CDAN1: variants seen among roughly 807,000 people sequenced by gnomAD.
CDAN1 encodes codanin 1.
Under a neutral mutation model 139.8 loss-of-function variants are expected in CDAN1, and 107 were observed. That is an observed-to-expected ratio of 0.77 (90% CI 0.65 to 0.90). CDAN1 has a LOEUF of 0.90. CDAN1 is among the 40% of genes least tolerant of loss of function. The pLI, the probability that CDAN1 is intolerant of heterozygous loss-of-function variation, is 0.00. For missense variants in CDAN1, 1,667 were observed against 1,575.7 expected (o/e 1.06, Z -0.98); for synonymous variants, 776 against 660.6 (o/e 1.17, Z -2.68).
chr15:42,729,876 CTG>C lies in CDAN1; in HGVS notation c.2270_2271del (p.Thr757SerfsTer3). The C allele has an allele frequency of 6.2e-7, 1 of 1,612,962 alleles. No individual in the cohort carries two copies. Among genetic ancestry groups the C allele is most frequent in the Non-Finnish European group, 8.5e-7 (1 of 1,179,610 alleles). On this transcript the variant is annotated frameshift_variant, in exon 16 of 28. Coordinates refer to ENST00000356231, the MANE Select transcript of CDAN1 (RefSeq NM_138477.4). LOFTEE classifies it high-confidence loss of function. Reference sequence around the variant, plus strand: ...TCCAGAAAGAACAAGTCCTCAGGGACTGTGGGAATCTGGCAAGACAGTCACAA... The same window carrying C: ...TCCAGAAAGAACAAGTCCTCAGGGACTGGGAATCTGGCAAGACAGTCACAA... ...AVLGWLFQIP[T>X]VPEDLFFLEE...
At chr15:42,728,971 AAG>A (rs758571284) in intron 19 of CDAN1, 50 bp downstream of exon 19, 104 of 1,597,662 alleles carry the variant, frequency 6.5e-5, no homozygotes, top group Middle Eastern at 1.7e-4. Flanking sequence ...ACTGAGGAAA[AAG>A]GGGAAAAAAT....
In CDAN1 at chr15:42,736,140, C is replaced by A. The variant is rs560630349; in HGVS notation, c.570-62G>T. On this transcript the variant is annotated intron_variant, in intron 2 of 27. Transcript: ENST00000356231. ...ATCTTCAAACATCTCCCCTCCACCA[C>A]CGCAACAGCTAGACCTCTTGCCAAA... is the stretch of plus-strand genomic sequence containing the variant. 1.3e-3 allele frequency: 2,025 copies of A among 1,585,002 alleles called. 3 individuals are homozygous for A. The highest frequency in any genetic ancestry group is 1.4e-3 in the Non-Finnish European group (1,581 of 1,160,366).
rs1400975315 is a variant in CDAN1 at position 42,736,643 on chromosome 15, C to T, written c.228G>A (p.Pro76=). Residue 76 remains proline, a synonymous_variant, in exon 2 of 28, where the codon CCG becomes CCA. Transcript: ENST00000356231. ...PQGPPTPAKT[P]GASAALPGRP... The stretch of plus-strand genomic sequence containing the variant: ...TCCCTGGCAAGGCTGCCGAGGCGCC[C>T]GGGGTCTTGGCGGGGGTCGGGGGCC... 6.6e-7 allele frequency: 1 copy of T among 1,524,262 alleles called. No homozygotes were observed. Among genetic ancestry groups the T allele is most frequent in the Non-Finnish European group, 8.8e-7 (1 of 1,136,392 alleles). The allele number at this position is 1,524,262 out of a possible 1,614,324, so 94.4% of individuals were successfully genotyped here.
At chr15:42,735,228 C>G (rs896884638) in intron 5 of CDAN1, 33 bp downstream of exon 5, 1 of 1,600,234 alleles carries the variant, frequency 6.2e-7, no homozygotes, top group Non-Finnish European at 8.6e-7. Context: ...CGTTTCTAGA[C>G]CCCATGTCTC....
At chr15:42,726,913 C>T (rs890642062) in intron 23 of CDAN1, 13 of 178,942 alleles carry the variant, frequency 7.3e-5, no homozygotes, top group African/African-American at 2.9e-4. Flanking sequence ...ATTTTTTAGT[C>T]ATTGTACCTT....
chr15:42,735,318 C>T lies in CDAN1; in HGVS notation c.1000G>A (p.Ala334Thr). 1 of 1,610,412 alleles carries T rather than the reference C, an allele frequency of 6.2e-7. No homozygotes were observed. Among genetic ancestry groups the T allele is most frequent in the Non-Finnish European group, 8.5e-7 (1 of 1,178,236 alleles). ...ELFFVFQLLTARRMVTAKDSD... is the reference protein window; with the variant it reads ...ELFFVFQLLTTRRMVTAKDSD... ...TCCTTGGCAGTCACCATCCTCCGGG[C>T]AGTGAGGAGCTGAAAGACGAAGAAA... Residue 334 changes from alanine to threonine, a missense_variant, in exon 5 of 28, where the codon GCC (alanine) becomes ACC (threonine). Physicochemically the swap from Ala to Thr is moderately conservative, Grantham distance 58. Around this residue, in one of 3 missense-constraint regions of CDAN1, gnomAD observed 244 missense variants for 309.4 expected, o/e 0.79. Coordinates refer to ENST00000356231, the MANE Select transcript of CDAN1 (RefSeq NM_138477.4).
chr15:42,730,828 C>A, intron 13 of CDAN1, 64 bp from the exon 14 acceptor site: 1 of 1,613,150 alleles, frequency 6.2e-7, no homozygotes, highest in East Asian at 2.2e-5. Flanking sequence ...TGCCCTTTAA[C>A]CTGCCTGGTT....
chr15:42,732,950 ATAAC>A (rs1595860161), intron 9 of CDAN1, 143 bp downstream of exon 9: 2 of 723,084 alleles, frequency 2.8e-6, no homozygotes, highest in Non-Finnish European at 5.0e-6. Context: ...AGAGTTATCA[ATAAC>A]TAAAGAGATT....
At chr15:42,736,813 G>A (rs1291476129) in intron 1 of CDAN1, 33 bp from the exon 2 acceptor site, 2 of 1,492,634 alleles carry the variant, frequency 1.3e-6, no homozygotes, top group East Asian at 2.8e-5. Context: ...GGGGCGAGAG[G>A]GTCAGCCGCC....
At chr15:42,731,593 T>A in intron 11 of CDAN1, 27 bp downstream of exon 11, 3 of 1,610,942 alleles carry the variant, frequency 1.9e-6, no homozygotes, top group Non-Finnish European at 2.5e-6. Flanking sequence ...CTCTGCCCCA[T>A]TCCTTGCAAG....
Position 42,735,563 on chromosome 15 carries a change from GAC to G in CDAN1, c.888_889del (p.Ser297PhefsTer18). On this transcript the variant is annotated frameshift_variant, in exon 4 of 28. Transcript: ENST00000356231. LOFTEE classifies it high-confidence loss of function. ...TACAAGCTCCAGGCGCTGGCGGGAAGACACTCTGGCAGGGTCTGCAGGTTCAT... is the reference window on the plus strand; with the variant it reads ...TACAAGCTCCAGGCGCTGGCGGGAAGACTCTGGCAGGGTCTGCAGGTTCAT... The G allele has an allele frequency of 6.2e-7, 1 of 1,614,242 alleles. No individual in the cohort carries two copies. Among genetic ancestry groups the G allele is most frequent in the Non-Finnish European group, 8.5e-7 (1 of 1,180,042 alleles).
At position 42,736,555 on chromosome 15, in the gene CDAN1, C is replaced by T. The variant is rs2140513326; in HGVS notation, c.316G>A (p.Ala106Thr). ...ARSQLFPPTE[A>T]QSTAAEAPLA... The stretch of plus-strand genomic sequence containing the variant: ...GGGGCCTCGGCAGCGGTGCTCTGGG[C>T]CTCGGTCGGAGGGAAAAGCTGGCTG... Residue 106 changes from alanine to threonine, a missense_variant, in exon 2 of 28, where the codon GCC becomes ACC. Physicochemically the swap from Ala to Thr is moderately conservative, Grantham distance 58. Around this residue, in one of 3 missense-constraint regions of CDAN1, gnomAD observed 487 missense variants for 422.2 expected, o/e 1.15. Coordinates refer to ENST00000356231, the MANE Select transcript of CDAN1 (RefSeq NM_138477.4). The T allele has an allele frequency of 1.3e-6, 2 of 1,482,662 alleles. No homozygotes were observed. The highest frequency in any genetic ancestry group is 1.8e-6 in the Non-Finnish European group (2 of 1,119,058). The allele number at this position is 1,482,662 out of a possible 1,614,324, so 91.8% of individuals were successfully genotyped here.
Position 42,725,553 on chromosome 15 carries a change from A to G in CDAN1, c.3386T>C (p.Val1129Ala). 6.2e-7 allele frequency: 1 copy of G among 1,614,148 alleles called. No homozygotes were observed. Among genetic ancestry groups the G allele is most frequent in the Non-Finnish European group, 8.5e-7 (1 of 1,180,016 alleles). The change falls in exon 26 of 28, where the codon GTT becomes GCT. Residue 1129 changes from valine to alanine, a missense_variant. By Grantham distance (64) the Val-to-Ala change is moderately conservative. Coordinates refer to ENST00000356231, the MANE Select transcript of CDAN1 (RefSeq NM_138477.4). ...TGGGCTCAGCAGCAGCTGCAGCGGA[A>G]CCGGCCCCTGAAAGTCTTCCTTCCA... ...SLWKEDFQGP[V>A]PLQLLLSPRN...
In CDAN1 at chr15:42,726,136, G is replaced by A. The variant is rs1454257725; in HGVS notation, c.3229C>T (p.His1077Tyr). 5 of 1,614,066 alleles carry A rather than the reference G, an allele frequency of 3.1e-6. No individual in the cohort carries two copies. Among genetic ancestry groups the A allele is most frequent in the Non-Finnish European group, 3.4e-6 (4 of 1,180,024 alleles). Residue 1077 changes from histidine (H) to tyrosine (Y), a missense_variant, in exon 25 of 28, where the codon CAT becomes TAT. Around this residue, in one of 3 missense-constraint regions of CDAN1, gnomAD observed 936 missense variants for 844.1 expected, o/e 1.11. Transcript: ENST00000356231. ...RQFLCPPAEQ[H>Y]LAKCSVELAS... is the part of the protein sequence containing the mutation. Reference sequence around the variant, plus strand: ...AACTCCACAGAGCACTTTGCCAGATGCTGCTCAGCAGGTGGGCACAGGAAC... The same window carrying A: ...AACTCCACAGAGCACTTTGCCAGATACTGCTCAGCAGGTGGGCACAGGAAC...
chr15:42,731,225 C>G lies in CDAN1; in HGVS notation c.1846G>C (p.Asp616His). 1.9e-6 allele frequency: 3 copies of G among 1,614,242 alleles called. No homozygotes were observed. The highest frequency in any genetic ancestry group is 2.5e-6 in the Non-Finnish European group (3 of 1,180,048). Residue 616 changes from aspartate (D) to histidine (H), a missense_variant, in exon 12 of 28, where the codon GAC becomes CAC. By Grantham distance (81) the Asp-to-His change is moderately conservative. Transcript: ENST00000356231. ...HEPNDEDGES[D>H]VDWQGERKQF... Reference sequence around the variant, plus strand: ...TGTTTTCGGACCTGCCAGTCTACGTCTGACTCCCCGTCTTCATCATTGGGC... The same window carrying G: ...TGTTTTCGGACCTGCCAGTCTACGTGTGACTCCCCGTCTTCATCATTGGGC...
At chr15:42,734,190 GT>G in intron 7 of CDAN1, 35 bp downstream of exon 7, 1 of 1,614,018 alleles carries the variant, frequency 6.2e-7, no homozygotes, top group Non-Finnish European at 8.5e-7. Context: ...GAAGGGTTAG[GT>G]CCAGGCTAGT....
In CDAN1 at chr15:42,730,187, C is replaced by T. The variant is rs1215405809; in HGVS notation, c.2203G>A (p.Gly735Arg). The change falls in exon 15 of 28, where the codon GGG becomes AGG. Residue 735 changes from glycine (G) to arginine (R), a missense_variant. This residue lies in a region of CDAN1 where 936 missense variants were observed against 844.1 expected (regional missense o/e 1.11). Transcript: ENST00000356231. The part of the protein sequence containing the change: ...RSLVLSQESE[G>R]KMCFLNKLLL... ...AGCTTGTTCAGGAAACACATCTTCC[C>T]CTCACTCTCCTGCGACAACACCAAG... is the stretch of plus-strand genomic sequence containing the variant. The T allele has an allele frequency of 6.2e-7, 1 of 1,614,228 alleles. No individual in the cohort carries two copies. Among genetic ancestry groups the T allele is most frequent in the Non-Finnish European group, 8.5e-7 (1 of 1,180,038 alleles).
At chr15:42,729,457 C>T (rs2061579850) in intron 17 of CDAN1, 95 bp from the exon 18 acceptor site, 4 of 1,600,140 alleles carry the variant, frequency 2.5e-6, no homozygotes, top group Non-Finnish European at 2.6e-6. Context: ...CTCAGATACC[C>T]AGGAATGACT....
chr15:42,730,763 A>T lies in CDAN1; in HGVS notation c.2009T>A (p.Val670Asp). ...QDSILALRSQVPPVLDVRTLL... is the reference protein window; with the variant it reads ...QDSILALRSQDPPVLDVRTLL... ...AGTCCGCACATCCAGGACCGGAGGG[A>T]CCTGGGAGGGCCAGAGCTCAGTCAG... Residue 670 changes from valine to aspartate, a missense_variant and splice_region_variant, in exon 14 of 28, where the codon GTC becomes GAC. Physicochemically the swap from Val to Asp is radical, Grantham distance 152 (BLOSUM62 -3). Coordinates refer to ENST00000356231, the MANE Select transcript of CDAN1 (RefSeq NM_138477.4). 6 of 1,612,150 alleles carry T rather than the reference A, an allele frequency of 3.7e-6. No individual in the cohort carries two copies. The highest frequency in any genetic ancestry group is 5.1e-6 in the Non-Finnish European group (6 of 1,179,112).
Sources: gnomAD v4.1 joint callset for allele counts on GRCh38, gnomAD v4.1.1 for gene constraint, gnomAD v4.1.1 regional missense constraint, MANE v1.5 for transcripts, NCBI Gene and HGNC (gene_info 2026-07-23, HGNC 2026-07-21) for gene names.